IL27RA: variants seen among roughly 807,000 people sequenced by gnomAD.
IL27RA encodes interleukin-27 receptor subunit alpha.
In IL27RA, 61 loss-of-function variants were observed where a neutral mutation model predicts 80.8. The ratio of observed to expected loss-of-function variants is 0.76; its 90% CI spans 0.61 to 0.93. The LOEUF (loss-of-function observed/expected upper bound fraction) is 0.93, where lower values mean the gene tolerates loss of function less well. Ranked by LOEUF, IL27RA falls within the 40% of genes least tolerant of loss-of-function variation. IL27RA has a pLI of 0.00. For missense variants in IL27RA, 735 were observed against 808.1 expected (o/e 0.91, Z 1.10); for synonymous variants, 316 against 332.5 (o/e 0.95, Z 0.54).
intron 2 of IL27RA, among the ~76,000 whole-genome samples, chr19:14,037,375 C>T (rs144401921): frequency 4.9e-4 from 75 of 152,072 alleles, no homozygotes; most frequent in African/African-American, 1.7e-3. Flanking sequence ...ATTCTCCTGC[C>T]TCCCAAGTAG....
Position 14,049,409 on chromosome 19 carries a change from C to T in IL27RA, c.1402+95C>T, listed in dbSNP as rs963419051. The stretch of plus-strand genomic sequence containing the variant: ...CTTGTCCCCACGTGGGCCTCTTTGG[C>T]CCAGGGACCATACATGGTGTCCTCA... On this transcript the variant is annotated intron_variant, in intron 10 of 13. Transcript: ENST00000263379. 2.3e-6 allele frequency: 3 copies of T among 1,311,068 alleles called. No individual in the cohort carries two copies. In the Admixed American group the frequency reaches 7.0e-5, roughly 31 times the overall value. 81.2% of individuals were successfully genotyped at this position (1,311,068 alleles called of 1,614,324 possible). A position where few individuals can be genotyped will look rare whatever the true frequency, so the allele number is the denominator to read the frequency against.
intron 8 of IL27RA, 43 bp downstream of exon 8, chr19:14,046,661 GC>G: frequency 6.6e-7 from 1 of 1,511,916 alleles, no homozygotes; most frequent in South Asian, 1.3e-5. Context: ...CGCTGTTAGA[GC>G]AGACGGATGG....
chr19:14,041,480 C>T (rs915567878), intron 4 of IL27RA, among the ~76,000 whole-genome samples: 14 of 152,110 alleles, frequency 9.2e-5, no homozygotes, highest in Admixed American at 6.6e-4. Flanking sequence ...GGATTACAGG[C>T]GTGAGCCACC....
At chr19:14,047,133 T>C (rs1193823419) in intron 8 of IL27RA, among the ~76,000 whole-genome samples, 1 of 151,150 alleles carries the variant, frequency 6.6e-6, no homozygotes, top group Non-Finnish European at 1.5e-5. Flanking sequence ...AACTTCCATC[T>C]CCTGGGTTCA....
intron 10 of IL27RA, 22 bp from the exon 11 acceptor site, chr19:14,050,736 C>G (rs1404466946): frequency 1.3e-6 from 2 of 1,598,162 alleles, no homozygotes; most frequent in South Asian, 2.2e-5. Flanking sequence ...ACCTCCCCAA[C>G]TTCTTTGGTT....
At chr19:14,039,448 G>T in intron 2 of IL27RA, 60 bp from the exon 3 acceptor site, 1 of 1,553,824 alleles carries the variant, frequency 6.4e-7, no homozygotes, top group East Asian at 2.3e-5. Context: ...CACAAGGGTG[G>T]TTATCAGTGG....
chr19:14,037,834 C>CTTTTTTTTTTTTTTTTTT (rs1555764856), intron 2 of IL27RA, among the ~76,000 whole-genome samples: 4 of 129,420 alleles, frequency 3.1e-5, no homozygotes, highest in African/African-American at 1.1e-4. Flanking sequence ...CTCTCTCTCT[C>CTTTTTTTTTTTTTTTTTT]TTTTTTTTTT....
chr19:14,041,241 A>T (rs1975985653), intron 4 of IL27RA, among the ~76,000 whole-genome samples: 2 of 150,958 alleles, frequency 1.3e-5, no homozygotes, highest in Non-Finnish European at 2.9e-5. Context: ...TGTGTTGCCC[A>T]GGCTGGAGTG....
chr19:14,032,219 G>GCC (rs1242092618), intron 1 of IL27RA, among the ~76,000 whole-genome samples, 167 bp from the exon 2 acceptor site: 1 of 152,178 alleles, frequency 6.6e-6, no homozygotes, highest in African/African-American at 2.4e-5. Context: ...CAGGGAAAGG[G>GCC]GGGGTTTGCA....
intron 2 of IL27RA, among the ~76,000 whole-genome samples, chr19:14,036,562 C>T (rs935977822): frequency 6.7e-6 from 1 of 149,368 alleles, no homozygotes; most frequent in Non-Finnish European, 1.5e-5. Context: ...GATCTCAGCT[C>T]ACTGCAACCT....
At chr19:14,051,006 T>C (rs1385182364) in intron 11 of IL27RA, 123 bp downstream of exon 11, 23 of 1,036,412 alleles carry the variant, frequency 2.2e-5, no homozygotes, top group Non-Finnish European at 3.1e-5. Flanking sequence ...CCTAACACTC[T>C]GGGAGGCTGA....
At chr19:14,041,285 C>T (rs893020012) in intron 4 of IL27RA, among the ~76,000 whole-genome samples, 17 of 152,006 alleles carry the variant, frequency 1.1e-4, no homozygotes, top group African/African-American at 2.7e-4. Context: ...GCAACCTCCA[C>T]CTCTCAGGTT....
intron 8 of IL27RA, among the ~76,000 whole-genome samples, chr19:14,047,713 G>C (rs1976090199): frequency 6.8e-6 from 1 of 148,042 alleles, no homozygotes; most frequent in South Asian, 2.1e-4. Context: ...GAGTGCAGTG[G>C]TGCGATATCG....
intron 4 of IL27RA, among the ~76,000 whole-genome samples, chr19:14,041,808 C>T (rs1222185189): frequency 6.6e-6 from 1 of 152,094 alleles, no homozygotes; most frequent in Non-Finnish European, 1.5e-5. Flanking sequence ...CGCAGTAGCT[C>T]TAATCCCAGC....
chr19:14,049,415 G>A, intron 10 of IL27RA, 101 bp downstream of exon 10: 1 of 1,226,806 alleles, frequency 8.2e-7, no homozygotes, highest in Non-Finnish European at 1.1e-6. Flanking sequence ...TTGGCCCAGG[G>A]ACCATACATG....
chr19:14,036,654 A>G (rs1975905615), intron 2 of IL27RA, among the ~76,000 whole-genome samples: 1 of 151,090 alleles, frequency 6.6e-6, no homozygotes, highest in Non-Finnish European at 1.5e-5. Flanking sequence ...ACATCTGGCT[A>G]ATTTTTGTAT....
chr19:14,033,095 T>G (rs1975847303), intron 2 of IL27RA, among the ~76,000 whole-genome samples: 3 of 101,210 alleles, frequency 3.0e-5, no homozygotes, highest in Non-Finnish European at 6.7e-5. Flanking sequence ...GCCCGTCACT[T>G]TTTTTTTTTT....
At chr19:14,035,431 T>C (rs1340731509) in intron 2 of IL27RA, among the ~76,000 whole-genome samples, 1 of 151,882 alleles carries the variant, frequency 6.6e-6, no homozygotes, top group Non-Finnish European at 1.5e-5. Flanking sequence ...GTTTCGCTCT[T>C]GTTGCCCAGG....
chr19:14,040,500 G>T (rs1975974035), intron 4 of IL27RA, among the ~76,000 whole-genome samples: 2 of 151,980 alleles, frequency 1.3e-5, no homozygotes, highest in South Asian at 4.1e-4. Context: ...GCCTGGGCAG[G>T]ATAGCAAGAC....
Sources: allele counts gnomAD v4.1 joint callset (sites outside exome capture counted in the v4.1 genomes callset), GRCh38; gene constraint gnomAD v4.1.1; transcripts MANE v1.5; gene names NCBI Gene and HGNC (gene_info 2026-07-23, HGNC 2026-07-21).